PRKN: variants seen among roughly 807,000 people sequenced by gnomAD.
The protein encoded by PRKN is E3 ubiquitin-protein ligase parkin.
A neutral mutation model predicts 59.5 loss-of-function variants in PRKN; 56 were observed. The ratio of observed to expected loss-of-function variants is 0.94; its 90% CI spans 0.76 to 1.18. The LOEUF (loss-of-function observed/expected upper bound fraction) is 1.18, where lower values mean the gene tolerates loss of function less well. Among genes scored for constraint, PRKN ranks in the 50% most tolerant of loss-of-function variants. PRKN has a pLI of 0.00. For missense variants in PRKN, 657 were observed against 596.4 expected, an observed-to-expected ratio of 1.10 and a Z score of -1.06; for synonymous variants, 250 against 222.1, an observed-to-expected ratio of 1.13 and a Z score of -1.12.
chr6:162,464,931 G>T (rs1791348813), intron 1 of PRKN, among the ~76,000 whole-genome samples: 1 of 152,006 alleles, frequency 6.6e-6, no homozygotes, highest in African/African-American at 2.4e-5. Context: ...TAATGCATTT[G>T]CTCCTCCACT....
At chr6:162,519,611 T>C (rs1429308553) in intron 1 of PRKN, among the ~76,000 whole-genome samples, 1 of 152,196 alleles carries the variant, frequency 6.6e-6, no homozygotes, top group Non-Finnish European at 1.5e-5. Flanking sequence ...TACTGACTTC[T>C]TTCTGAGGCC....
chr6:162,105,121 G>C (rs1293412416), intron 4 of PRKN, among the ~76,000 whole-genome samples: 1 of 152,160 alleles, frequency 6.6e-6, no homozygotes, highest in South Asian at 2.1e-4. Context: ...GCGAAAAGAA[G>C]ACAGAACCCA....
At chr6:161,680,746 TATATATATATATATA>T (rs1785295337) in intron 7 of PRKN, among the ~76,000 whole-genome samples, 3 of 8,582 alleles carry the variant, frequency 3.5e-4, no homozygotes, top group African/African-American at 8.5e-4. Context: ...TATATATATA[TATATATATATATATA>T]TATATATATA....
chr6:161,645,331 T>C (rs1783885844), intron 7 of PRKN, among the ~76,000 whole-genome samples: 1 of 152,152 alleles, frequency 6.6e-6, no homozygotes, highest in Non-Finnish European at 1.5e-5. Context: ...ACCATTCAAC[T>C]TGTCAACCAT....
chr6:162,212,124 G>T (rs1005673923), intron 3 of PRKN, among the ~76,000 whole-genome samples: 1 of 151,988 alleles, frequency 6.6e-6, no homozygotes, highest in Non-Finnish European at 1.5e-5. Context: ...CAGTCAAAAG[G>T]TTTCCAGGAA....
At chr6:161,682,358 G>A (rs148896620) in intron 7 of PRKN, among the ~76,000 whole-genome samples, 17 of 152,356 alleles carry the variant, frequency 1.1e-4, no homozygotes, top group Non-Finnish European at 2.2e-4. Context: ...CCAAGAGTCA[G>A]ATTTAATTTG....
chr6:161,828,776 A>C (rs1792351548), intron 6 of PRKN, among the ~76,000 whole-genome samples: 1 of 152,006 alleles, frequency 6.6e-6, no homozygotes, highest in Non-Finnish European at 1.5e-5. Flanking sequence ...ACAATAACAA[A>C]AACATTAGTT....
At chr6:161,811,465 T>A (rs1421738502) in intron 6 of PRKN, among the ~76,000 whole-genome samples, 1 of 152,010 alleles carries the variant, frequency 6.6e-6, no homozygotes. Flanking sequence ...CCAAGGTAGC[T>A]CAACGGGAGA....
intron 2 of PRKN, among the ~76,000 whole-genome samples, chr6:162,404,456 T>G (rs1214270183): frequency 6.6e-6 from 1 of 152,048 alleles, no homozygotes; most frequent in Non-Finnish European, 1.5e-5. Flanking sequence ...TCCAAAAGGA[T>G]ATTGGGTCTA....
intron 6 of PRKN, among the ~76,000 whole-genome samples, chr6:161,957,856 C>T (rs1288972799): frequency 6.6e-6 from 1 of 152,162 alleles, no homozygotes; most frequent in Non-Finnish European, 1.5e-5. Context: ...TGAGGAGTCT[C>T]CTGAAGTCCT....
intron 9 of PRKN, among the ~76,000 whole-genome samples, chr6:161,514,751 G>T (rs1778522746): frequency 6.6e-6 from 1 of 152,112 alleles, no homozygotes; most frequent in Non-Finnish European, 1.5e-5. Flanking sequence ...AAACTTTGTT[G>T]CTGTGGGAAC....
At chr6:161,952,844 T>A (rs1057079089) in intron 6 of PRKN, among the ~76,000 whole-genome samples, 4 of 152,178 alleles carry the variant, frequency 2.6e-5, no homozygotes, top group African/African-American at 9.7e-5. Context: ...AAAAGTTGGA[T>A]CTTTTTAGCA....
intron 5 of PRKN, among the ~76,000 whole-genome samples, chr6:162,039,182 C>G (rs547005897): frequency 6.6e-6 from 1 of 151,816 alleles, no homozygotes; most frequent in African/African-American, 2.4e-5. Context: ...GTGCTTGCTA[C>G]TGTTTGTCTG....
intron 2 of PRKN, among the ~76,000 whole-genome samples, chr6:162,399,925 G>A (rs1277207295): frequency 6.6e-6 from 1 of 152,196 alleles, no homozygotes; most frequent in East Asian, 1.9e-4. Context: ...CAAAGAAGAG[G>A]CTGGGCACAG....
chr6:161,472,416 T>G (rs1367811115), intron 9 of PRKN, among the ~76,000 whole-genome samples: 3 of 152,136 alleles, frequency 2.0e-5, no homozygotes, highest in Non-Finnish European at 4.4e-5. Flanking sequence ...CTGGATAGGA[T>G]AATATCTTCA....
chr6:162,342,802 T>C (rs1014066617), intron 2 of PRKN, among the ~76,000 whole-genome samples: 16 of 152,166 alleles, frequency 1.1e-4, no homozygotes, highest in Admixed American at 1.0e-3. Context: ...AAAATATTAT[T>C]AATGATTACC....
intron 6 of PRKN, among the ~76,000 whole-genome samples, chr6:161,862,099 G>A (rs570023347): frequency 9.3e-4 from 142 of 152,076 alleles, no homozygotes; most frequent in African/African-American, 3.0e-3. Flanking sequence ...TGGATTTAGG[G>A]CCCACCCAGA....
intron 1 of PRKN, among the ~76,000 whole-genome samples, chr6:162,670,145 A>G (rs529817970): frequency 2.0e-5 from 3 of 152,322 alleles, no homozygotes; most frequent in Admixed American, 2.0e-4. Context: ...ACACACTCAG[A>G]ACTCTATCAA....
intron 4 of PRKN, among the ~76,000 whole-genome samples, chr6:162,071,500 T>A (rs200616684): frequency 2.6e-3 from 13 of 4,910 alleles, no homozygotes; most frequent in Middle Eastern, 0.083. Flanking sequence ...TCTCCAAAAG[T>A]TCCAATAGGA....
Sources: gnomAD v4.1 joint callset for allele counts (sites outside exome capture counted in the v4.1 genomes callset) on GRCh38, gnomAD v4.1.1 for gene constraint, MANE v1.5 for transcripts, NCBI Gene and HGNC (gene_info 2026-07-23, HGNC 2026-07-21) for gene names.